CNTNAP4: variants seen among roughly 807,000 people sequenced by gnomAD.
The protein encoded by CNTNAP4 is contactin associated protein family member 4.
In CNTNAP4, 98 loss-of-function variants were observed where a neutral mutation model predicts 148.4. That is an observed-to-expected ratio of 0.66 (90% CI 0.56 to 0.78). CNTNAP4 has a LOEUF of 0.78. Ranked by LOEUF, CNTNAP4 falls within the 30% of genes least tolerant of loss-of-function variation. The pLI, the probability that CNTNAP4 is intolerant of heterozygous loss-of-function variation, is 0.00. For missense variants in CNTNAP4, 1,935 were observed against 1,565.6 expected (o/e 1.24, Z -3.98); for synonymous variants, 730 against 565.1 (o/e 1.29, Z -4.14).
At chr16:76,467,867 AATTG>A (rs1273803829) in intron 10 of CNTNAP4, among the ~76,000 whole-genome samples, 1 of 152,160 alleles carries the variant, frequency 6.6e-6, no homozygotes, top group African/African-American at 2.4e-5. Flanking sequence ...TGAACAGTAA[AATTG>A]ATCATCAGGT....
At chr16:76,375,525 G>A (rs538863515) in intron 3 of CNTNAP4, among the ~76,000 whole-genome samples, 2 of 152,298 alleles carry the variant, frequency 1.3e-5, no homozygotes, top group African/African-American at 4.8e-5. Context: ...AAAGCTGTGC[G>A]ACTTTTCACG....
intron 2 of CNTNAP4, among the ~76,000 whole-genome samples, chr16:76,349,106 G>GT (rs1252609321): frequency 1.3e-4 from 20 of 152,088 alleles, no homozygotes; most frequent in Non-Finnish European, 2.2e-4. Flanking sequence ...GCAGGACCTA[G>GT]CGGTCCTGAT....
intron 3 of CNTNAP4, among the ~76,000 whole-genome samples, chr16:76,401,601 G>T (rs7198048): frequency 6.6e-6 from 1 of 152,030 alleles, no homozygotes; most frequent in South Asian, 2.1e-4. Flanking sequence ...GTGGTGAGAG[G>T]GGGCATCCTT....
chr16:76,309,905 C>A, intron 1 of CNTNAP4: 1 of 701,960 alleles, frequency 1.4e-6, no homozygotes, highest in South Asian at 1.5e-5. Context: ...CTATGTGGAA[C>A]TGTGAGTCCG....
chr16:76,558,771 A>G lies in CNTNAP4; in HGVS notation c.*88A>G. On this transcript the variant is annotated 3_prime_UTR_variant, in exon 24 of 24. Coordinates refer to ENST00000611870, the MANE Select transcript of CNTNAP4 (RefSeq NM_033401.5). The stretch of plus-strand genomic sequence containing the variant: ...GGAAAAACGAATGCTCTTACACTGA[A>G]TGTACAGGCAGTGGGCTTGCAGCAC... The G allele has an allele frequency of 1.0e-6, 1 of 994,122 alleles. No individual in the cohort carries two copies. The allele number at this position is 994,122 out of a possible 1,614,324, so 61.6% of individuals were successfully genotyped here. A position where few individuals can be genotyped will look rare whatever the true frequency, so the allele number is the denominator to read the frequency against.
intron 3 of CNTNAP4, among the ~76,000 whole-genome samples, chr16:76,396,998 C>T (rs547311153): frequency 2.0e-5 from 3 of 152,178 alleles, no homozygotes; most frequent in African/African-American, 7.2e-5. Flanking sequence ...TTATGGAACT[C>T]GATCACTTGG....
intron 15 of CNTNAP4, among the ~76,000 whole-genome samples, chr16:76,517,424 G>A (rs547695760): frequency 1.3e-5 from 2 of 152,144 alleles, no homozygotes; most frequent in South Asian, 2.1e-4. Context: ...ACAAACATTT[G>A]GAAATAAACA....
chr16:76,452,788 G>A lies in CNTNAP4; in HGVS notation c.1333+19G>A, dbSNP rs746286778. 147 of 1,519,662 alleles carry A rather than the reference G, an allele frequency of 9.7e-5. No individual in the cohort carries two copies. The highest frequency in any genetic ancestry group is 1.2e-4 in the Non-Finnish European group (137 of 1,135,000). The allele number at this position is 1,519,662 out of a possible 1,614,324, so 94.1% of individuals were successfully genotyped here. ...ACAGCAGGTAATAAATGTATTCCCT[G>A]GGGCAAAGCATATGGATTTGAAAGA... On this transcript the variant is annotated intron_variant, in intron 8 of 23. Transcript: ENST00000611870.
At chr16:76,534,151 C>A (rs1242614537) in intron 17 of CNTNAP4, among the ~76,000 whole-genome samples, 1 of 152,126 alleles carries the variant, frequency 6.6e-6, no homozygotes, top group East Asian at 1.9e-4. Context: ...CCCCCTTTAC[C>A]CTTGAAGCAC....
intron 3 of CNTNAP4, among the ~76,000 whole-genome samples, chr16:76,384,126 C>A (rs1194478090): frequency 1.3e-5 from 2 of 152,036 alleles, no homozygotes; most frequent in African/African-American, 2.4e-5. Flanking sequence ...TCGCTGCAAC[C>A]TCCGCCTCCC....
intron 3 of CNTNAP4, among the ~76,000 whole-genome samples, chr16:76,357,898 A>T (rs1040265344): frequency 5.9e-5 from 9 of 152,172 alleles, no homozygotes; most frequent in Non-Finnish European, 1.0e-4. Flanking sequence ...CATTTCTGGT[A>T]TCCAACATCC....
intron 13 of CNTNAP4, among the ~76,000 whole-genome samples, chr16:76,493,525 C>A (rs2082298025): frequency 6.6e-6 from 1 of 151,636 alleles, no homozygotes; most frequent in Non-Finnish European, 1.5e-5. Context: ...ACAGTCTATA[C>A]CTTAAAAAAC....
chr16:76,362,465 A>C (rs1279723951), intron 3 of CNTNAP4, among the ~76,000 whole-genome samples: 1 of 152,212 alleles, frequency 6.6e-6, no homozygotes, highest in Non-Finnish European at 1.5e-5. Flanking sequence ...TGAATATCCA[A>C]AACAATCCTG....
In CNTNAP4 at chr16:76,289,490, C is replaced by G. The variant is rs552107337; in HGVS notation, c.85+11743C>G. Reference sequence around the variant, plus strand: ...AGCCTCCTTGCCCTTCTTTTGCCTACAAACATATGCAAGATGTTTCTTTTC... The same window carrying G: ...AGCCTCCTTGCCCTTCTTTTGCCTAGAAACATATGCAAGATGTTTCTTTTC... On this transcript the variant is annotated intron_variant, in intron 1 of 23. Transcript: ENST00000611870. Among the ~76,000 whole-genome samples the G allele has an allele frequency of 4.0e-5, 6 of 150,894 alleles. No homozygotes were observed. The South Asian group carries it at 1.2e-3, about 31-fold the overall frequency.
chr16:76,345,970 A>G (rs1034467858), intron 2 of CNTNAP4, among the ~76,000 whole-genome samples: 4 of 152,176 alleles, frequency 2.6e-5, no homozygotes, highest in African/African-American at 4.8e-5. Context: ...ACAGTTGTCT[A>G]CAAGCCAGGG....
In CNTNAP4 at chr16:76,502,264, A is replaced by G. The variant is rs139970103; in HGVS notation, c.2365+3570A>G. ...GGACTAAGGACTATTTTCTGCATGAAGCGTTCTTTATTTTCTCAGTTGGAT... is the reference window on the plus strand; with the variant it reads ...GGACTAAGGACTATTTTCTGCATGAGGCGTTCTTTATTTTCTCAGTTGGAT... On this transcript the variant is annotated intron_variant, in intron 15 of 23. Transcript: ENST00000611870. Among the ~76,000 whole-genome samples, 600 of 152,272 alleles carry G rather than the reference A, an allele frequency of 3.9e-3. 2 individuals are homozygous for G. Among genetic ancestry groups the G allele is most frequent in the African/African-American group, 0.013 (559 of 41,544 alleles).
At chr16:76,460,770 A>T (rs1310195672) in intron 8 of CNTNAP4, among the ~76,000 whole-genome samples, 1,796 of 75,280 alleles carry the variant, frequency 0.024, 203 homozygotes, top group Middle Eastern at 0.045. Flanking sequence ...AAAAAAAAAA[A>T]AAAATATATA....
At chr16:76,342,469 T>G (rs1301954934) in intron 2 of CNTNAP4, among the ~76,000 whole-genome samples, 5 of 130,106 alleles carry the variant, frequency 3.8e-5, no homozygotes, top group Non-Finnish European at 8.2e-5. Context: ...TAATTTCTTT[T>G]TTTTTTTTTT....
intron 17 of CNTNAP4, among the ~76,000 whole-genome samples, chr16:76,534,617 A>G (rs935923278): frequency 1.3e-5 from 2 of 152,202 alleles, no homozygotes; most frequent in Non-Finnish European, 2.9e-5. Context: ...TAGTGCTTAT[A>G]CAATGATGGT....
Sources: gnomAD v4.1 joint callset for allele counts (sites outside exome capture counted in the v4.1 genomes callset) on GRCh38, gnomAD v4.1.1 for gene constraint, MANE v1.5 for transcripts, NCBI Gene and HGNC (gene_info 2026-07-23, HGNC 2026-07-21) for gene names.